Variants in MLLT3 observed in about 807,000 individuals in gnomAD.
The protein encoded by MLLT3 is protein AF-9.
In MLLT3, 4 loss-of-function variants were observed where a neutral mutation model predicts 53.2. The ratio of observed to expected loss-of-function variants is 0.08; its 90% CI spans 0.04 to 0.17. MLLT3 has a LOEUF of 0.17. MLLT3 is among the 10% of genes least tolerant of loss of function. MLLT3 has a pLI of 1.00. For synonymous variants in MLLT3, 283 were observed against 230.6 expected, an observed-to-expected ratio of 1.23 and a Z score of -2.06; for missense variants, 569 against 684.0, an observed-to-expected ratio of 0.83 and a Z score of 1.87.
intron 4 of MLLT3, among the ~76,000 whole-genome samples, chr9:20,423,893 G>T (rs1823078905): frequency 6.6e-6 from 1 of 151,988 alleles, no homozygotes; most frequent in African/African-American, 2.4e-5. Flanking sequence ...TGCCTAGGAA[G>T]TCACTGCACT....
At chr9:20,617,160 G>C (rs1223091218) in intron 2 of MLLT3, among the ~76,000 whole-genome samples, 1 of 152,104 alleles carries the variant, frequency 6.6e-6, no homozygotes, top group Non-Finnish European at 1.5e-5. Flanking sequence ...TCTTCATTTT[G>C]TTCCTTATAT....
intron 2 of MLLT3, among the ~76,000 whole-genome samples, chr9:20,580,669 A>G (rs1381095205): frequency 1.3e-5 from 2 of 152,206 alleles, no homozygotes; most frequent in Non-Finnish European, 2.9e-5. Flanking sequence ...TTTTCCTTTC[A>G]CATAGGCATG....
chr9:20,589,945 G>A lies in MLLT3; in HGVS notation c.193+30709C>T, dbSNP rs527309202. ...AGGCTGGCCTCGAACTCCTGACCTC[G>A]TGATCCACCTGCCTCGGCCTCCCAA... is the stretch of plus-strand genomic sequence containing the variant. On this transcript the variant is annotated intron_variant, in intron 2 of 10. Coordinates refer to ENST00000380338, the MANE Select transcript of MLLT3 (RefSeq NM_004529.4). Among the ~76,000 whole-genome samples, 12 of 151,994 alleles carry A rather than the reference G, an allele frequency of 7.9e-5. No homozygotes were observed. In the South Asian group the frequency reaches 2.5e-3, roughly 31 times the overall value.
chr9:20,475,865 T>C (rs1240098461), intron 2 of MLLT3, among the ~76,000 whole-genome samples: 1 of 152,130 alleles, frequency 6.6e-6, no homozygotes, highest in Non-Finnish European at 1.5e-5. Context: ...AGAATATCAG[T>C]AAAGCTATTG....
intron 2 of MLLT3, among the ~76,000 whole-genome samples, chr9:20,529,374 G>A (rs1288875406): frequency 1.3e-5 from 2 of 152,128 alleles, no homozygotes; most frequent in African/African-American, 4.8e-5. Context: ...AATCACGTTT[G>A]TAACTTAATT....
At chr9:20,367,464 C>T (rs556121238) in intron 5 of MLLT3, among the ~76,000 whole-genome samples, 1 of 152,254 alleles carries the variant, frequency 6.6e-6, no homozygotes, top group Non-Finnish European at 1.5e-5. Context: ...TTATCGGTGA[C>T]TAAAGACGGT....
At chr9:20,357,191 G>T (rs1821191929) in intron 8 of MLLT3, among the ~76,000 whole-genome samples, 1 of 152,142 alleles carries the variant, frequency 6.6e-6, no homozygotes, top group Non-Finnish European at 1.5e-5. Flanking sequence ...GGTGATTTAT[G>T]ATATTCTGAA....
chr9:20,514,392 C>T (rs1209668536), intron 2 of MLLT3, among the ~76,000 whole-genome samples: 1 of 152,096 alleles, frequency 6.6e-6, no homozygotes, highest in Non-Finnish European at 1.5e-5. Flanking sequence ...TAAGTGACTG[C>T]CCACTCGAGC....
intron 2 of MLLT3, among the ~76,000 whole-genome samples, chr9:20,476,974 G>GTT (rs142950000): frequency 4.6e-5 from 7 of 152,044 alleles, no homozygotes; most frequent in African/African-American, 1.7e-4. Flanking sequence ...ATGGTCTTTT[G>GTT]TTTTTTCCAC....
intron 3 of MLLT3, among the ~76,000 whole-genome samples, chr9:20,449,093 C>T (rs79075221): frequency 0.054 from 8,217 of 152,240 alleles, 341 homozygotes; most frequent in Non-Finnish European, 0.082. Flanking sequence ...TGGAAAACCT[C>T]CCCTTAACTC....
At chr9:20,499,592 G>A (rs529599686) in intron 2 of MLLT3, among the ~76,000 whole-genome samples, 15 of 152,226 alleles carry the variant, frequency 9.9e-5, no homozygotes, top group African/African-American at 2.4e-4. Flanking sequence ...AGATACCTTC[G>A]AAATCATTTG....
chr9:20,361,161 G>C (rs1821312294), intron 7 of MLLT3, among the ~76,000 whole-genome samples: 1 of 152,190 alleles, frequency 6.6e-6, no homozygotes, highest in African/African-American at 2.4e-5. Flanking sequence ...CCCAAAGCTA[G>C]TGCTCAGCCA....
At chr9:20,582,813 T>C (rs1464975403) in intron 2 of MLLT3, among the ~76,000 whole-genome samples, 1 of 152,184 alleles carries the variant, frequency 6.6e-6, no homozygotes. Flanking sequence ...TACTTCCCCC[T>C]GGGTCCCTCC....
intron 5 of MLLT3, among the ~76,000 whole-genome samples, chr9:20,386,996 C>G (rs1376647050): frequency 6.6e-6 from 1 of 152,150 alleles, no homozygotes; most frequent in Non-Finnish European, 1.5e-5. Flanking sequence ...TGTAAGTTAT[C>G]TAAATGTTTG....
chr9:20,586,905 A>C (rs1233338552), intron 2 of MLLT3, among the ~76,000 whole-genome samples: 1 of 152,050 alleles, frequency 6.6e-6, no homozygotes, highest in African/African-American at 2.4e-5. Context: ...TACATCCTTT[A>C]TTTTGTTTTT....
intron 2 of MLLT3, chr9:20,502,234 C>G (rs989740448): frequency 6.5e-6 from 1 of 153,946 alleles, no homozygotes; most frequent in African/African-American, 2.4e-5. Flanking sequence ...CAGGGCACCA[C>G]AAATGAACCT....
At chr9:20,446,239 T>A (rs1289153756) in intron 4 of MLLT3, among the ~76,000 whole-genome samples, 2 of 152,186 alleles carry the variant, frequency 1.3e-5, no homozygotes, top group Non-Finnish European at 2.9e-5. Flanking sequence ...ACATTTCAAC[T>A]TATTATTTTA....
At chr9:20,516,828 G>T (rs991900508) in intron 2 of MLLT3, among the ~76,000 whole-genome samples, 24 of 152,014 alleles carry the variant, frequency 1.6e-4, no homozygotes, top group African/African-American at 5.8e-4. Context: ...GTCCCTAGAA[G>T]GTATATTATT....
Position 20,474,431 on chromosome 9 carries a change from A to G in MLLT3, c.194-17645T>C, listed in dbSNP as rs960808855. Among the ~76,000 whole-genome samples, 3 of 152,056 alleles carry G rather than the reference A, an allele frequency of 2.0e-5. No homozygotes were observed. In the South Asian group the frequency reaches 6.2e-4, roughly 32 times the overall value. On this transcript the variant is annotated intron_variant, in intron 2 of 10. Transcript: ENST00000380338. ...AATTAATATTCATTATGTGAAGCCA[A>G]TTACTCTCAAGGTATTGCTGTTAAT...
Sources: gnomAD v4.1 joint callset for allele counts (sites outside exome capture counted in the v4.1 genomes callset) on GRCh38, gnomAD v4.1.1 for gene constraint, MANE v1.5 for transcripts, NCBI Gene and HGNC (gene_info 2026-07-23, HGNC 2026-07-21) for gene names.